BOD1L1: variants seen among roughly 807,000 people sequenced by gnomAD.
BOD1L1 encodes biorientation of chromosomes in cell division 1 like 1, also known as biorientation of chromosomes in cell division protein 1-like 1.
BOD1L1 carries 86 observed loss-of-function variants against 240.7 expected under a neutral mutation model. That is an observed-to-expected ratio of 0.36 (90% CI 0.30 to 0.43). BOD1L1 has a LOEUF of 0.43. Ranked by LOEUF, BOD1L1 falls within the 20% of genes least tolerant of loss-of-function variation. The pLI is 1.00. For missense variants in BOD1L1, 3,554 were observed against 3,643.5 expected (o/e 0.98, Z 0.63); for synonymous variants, 1,268 against 1,272.3 (o/e 1.00, Z 0.07).
chr4:13,621,607 T>G (rs1717043429), intron 1 of BOD1L1, among the ~76,000 whole-genome samples: 1 of 152,220 alleles, frequency 6.6e-6, no homozygotes, highest in African/African-American at 2.4e-5. Flanking sequence ...TCCATTGATG[T>G]GTAAGCCTCC....
At chr4:13,615,245 A>C in intron 3 of BOD1L1, 67 bp downstream of exon 3, 1 of 1,419,832 alleles carries the variant, frequency 7.0e-7, no homozygotes, top group Non-Finnish European at 9.5e-7. Context: ...AGAGCCAAGT[A>C]TCCCTAACTT....
At chr4:13,617,101 T>A (rs1348149846) in intron 2 of BOD1L1, among the ~76,000 whole-genome samples, 2 of 151,796 alleles carry the variant, frequency 1.3e-5, no homozygotes, top group East Asian at 3.9e-4. Context: ...AAAAATTAGC[T>A]GGGTGTGGTG....
chr4:13,597,071 T>TA, intron 11 of BOD1L1, 33 bp downstream of exon 11: 2 of 1,529,938 alleles, frequency 1.3e-6, no homozygotes, highest in South Asian at 2.4e-5. Flanking sequence ...TTTAATCACT[T>TA]ACAGTTCAGC....
rs1192622823 is a variant in BOD1L1 at position 13,581,238 on chromosome 4, A to T, written c.8593-31T>A. ...GGGGAAATAAAAAACAACAACAGCA[A>T]TAAGAAAAAAAATTTTATCCTTTAT... On this transcript the variant is annotated intron_variant, in intron 19 of 25. Transcript: ENST00000040738. 7 of 1,438,142 alleles carry T rather than the reference A, an allele frequency of 4.9e-6. No individual in the cohort carries two copies. In the South Asian group the frequency reaches 9.4e-5, roughly 19 times the overall value. 89.1% of individuals were successfully genotyped at this position (1,438,142 alleles called of 1,614,324 possible).
intron 17 of BOD1L1, 110 bp from the exon 18 acceptor site, chr4:13,582,846 T>C (rs1376682640): frequency 1.0e-5 from 7 of 684,568 alleles, no homozygotes; most frequent in Non-Finnish European, 1.7e-5. Flanking sequence ...CCTAGCTCTT[T>C]TTAAGGATAG....
intron 1 of BOD1L1, 72 bp from the exon 2 acceptor site, chr4:13,620,139 T>C: frequency 1.4e-6 from 2 of 1,431,874 alleles, no homozygotes; most frequent in South Asian, 2.9e-5. Context: ...GAAAAGTATT[T>C]TTACCATGGG....
At chr4:13,619,844 C>A (rs1242084475) in intron 2 of BOD1L1, 99 bp downstream of exon 2, 1 of 1,402,016 alleles carries the variant, frequency 7.1e-7, no homozygotes, top group Non-Finnish European at 9.6e-7. Context: ...AAATTGTCAA[C>A]ATCATTAGGT....
chr4:13,581,312 C>T (rs28564781), intron 19 of BOD1L1, 105 bp from the exon 20 acceptor site: 2 of 747,058 alleles, frequency 2.7e-6, no homozygotes, highest in Non-Finnish European at 4.2e-6. Context: ...GTCTAAGAGA[C>T]CTCAAATCCT....
At chr4:13,590,689 A>G (rs968049085) in intron 13 of BOD1L1, among the ~76,000 whole-genome samples, 1 of 152,246 alleles carries the variant, frequency 6.6e-6, no homozygotes, top group Non-Finnish European at 1.5e-5. Context: ...AGCCAATGGC[A>G]AAAGAGTAAG....
At chr4:13,597,800 A>C (rs1282294599) in intron 10 of BOD1L1, among the ~76,000 whole-genome samples, 1 of 152,190 alleles carries the variant, frequency 6.6e-6, no homozygotes, top group Non-Finnish European at 1.5e-5. Context: ...CATTCAATTT[A>C]CTCCAGGCTA....
chr4:13,577,523 A>T lies in BOD1L1; in HGVS notation c.8800-36T>A, dbSNP rs184758194. 2.7e-4 allele frequency: 436 copies of T among 1,605,666 alleles called. 2 individuals are homozygous for T. The African/African-American group carries it at 4.5e-3, about 17-fold the overall frequency. Reference sequence around the variant, plus strand: ...TAAAATTAAAGTCAAAAGGGTGGTCAGCTGAGCATTTAAGTTGATTTCTAA... The same window carrying T: ...TAAAATTAAAGTCAAAAGGGTGGTCTGCTGAGCATTTAAGTTGATTTCTAA... On this transcript the variant is annotated intron_variant, in intron 23 of 25. Coordinates refer to ENST00000040738, the MANE Select transcript of BOD1L1 (RefSeq NM_148894.3).
intron 2 of BOD1L1, among the ~76,000 whole-genome samples, chr4:13,619,221 T>A (rs1186188784): frequency 6.7e-6 from 1 of 148,664 alleles, no homozygotes; most frequent in Non-Finnish European, 1.5e-5. Flanking sequence ...CGTTGGGAGG[T>A]CTGCTTGAGC....
Position 13,603,510 on chromosome 4 carries a change from A to G in BOD1L1, c.3390T>C (p.Asn1130=), listed in dbSNP as rs1195026241. The part of the protein sequence containing the change: ...MEIDSEPGVE[N]VFEVSKTQDN... Reference sequence around the variant, plus strand: ...CTTGGGTTTTAGATACTTCAAACACATTTTCAACACCTGGCTCAGAATCAA... The same window carrying G: ...CTTGGGTTTTAGATACTTCAAACACGTTTTCAACACCTGGCTCAGAATCAA... Residue 1130 remains asparagine (N), a synonymous_variant, in exon 10 of 26, where the codon AAT becomes AAC. Transcript: ENST00000040738. 3.1e-6 allele frequency: 5 copies of G among 1,613,884 alleles called. No homozygotes were observed. Among genetic ancestry groups the G allele is most frequent in the Non-Finnish European group, 8.5e-7 (1 of 1,179,898 alleles).
rs776882662 is a variant in BOD1L1 at position 13,603,059 on chromosome 4, A to G, written c.3841T>C (p.Ser1281Pro). 1 of 1,614,006 alleles carries G rather than the reference A, an allele frequency of 6.2e-7. No individual in the cohort carries two copies. The highest frequency in any genetic ancestry group is 1.1e-5 in the South Asian group (1 of 91,074). The change falls in exon 10 of 26, where the codon TCA becomes CCA. Residue 1281 changes from serine to proline, a missense_variant. By Grantham distance (74) the Ser-to-Pro change is moderately conservative. Transcript: ENST00000040738. Reference protein sequence around the residue: ...TLEHSTNLDSSPSLSSVTVVP... With the variant: ...TLEHSTNLDSPPSLSSVTVVP... The stretch of plus-strand genomic sequence containing the variant: ...ACAGTCACTGAACTTAAGGATGGTG[A>G]GGAGTCTAAATTTGTGGAATGTTCA...
intron 1 of BOD1L1, among the ~76,000 whole-genome samples, chr4:13,626,945 G>T (rs771914247): frequency 1.3e-5 from 2 of 152,162 alleles, no homozygotes; most frequent in Non-Finnish European, 2.9e-5. Flanking sequence ...TTACCATTTA[G>T]TCATTTCTCC....
rs555601532 is a variant in BOD1L1, at chr4:13,599,150, T to C, written c.7750A>G (p.Met2584Val). 59 of 1,613,764 alleles carry C rather than the reference T, an allele frequency of 3.7e-5. No individual in the cohort carries two copies. Among genetic ancestry groups the C allele is most frequent in the African/African-American group, 2.0e-4 (15 of 75,040 alleles). The change falls in exon 10 of 26, where the codon ATG (methionine) becomes GTG (valine). Residue 2584 changes from methionine (M) to valine (V), a missense_variant. By Grantham distance (21) the Met-to-Val change is conservative (BLOSUM62 1). Coordinates refer to ENST00000040738, the MANE Select transcript of BOD1L1 (RefSeq NM_148894.3). ...QESKIAPSHTMIPPATYSVAL... is the reference protein window; with the variant it reads ...QESKIAPSHTVIPPATYSVAL... ...ACACTGTAAGTAGCTGGAGGGATCA[T>C]TGTGTGGGAAGGAGCAATTTTTGAT...
rs1442536469 is a variant in BOD1L1, at chr4:13,613,539, T to C, written c.1297A>G (p.Met433Val). Residue 433 changes from methionine to valine, a missense_variant, in exon 5 of 26, where the codon ATG (methionine) becomes GTG (valine). Around this residue, in one of 2 missense-constraint regions of BOD1L1, gnomAD observed 3,393 missense variants for 3,427.1 expected, o/e 0.99. Transcript: ENST00000040738. This position sits in a 1 kb window ranked among gnomAD's most constrained non-coding sequence, Gnocchi z 4.0. Reference sequence around the variant, plus strand: ...TCTGACGTAATCTCTCCTTCTTCCATGCTATCAGACGTTACAACTTCCTCC... The same window carrying C: ...TCTGACGTAATCTCTCCTTCTTCCACGCTATCAGACGTTACAACTTCCTCC... ...TEEEVVTSDS[M>V]EEGEITSDDE... The C allele has an allele frequency of 3.1e-6, 5 of 1,612,536 alleles. No individual in the cohort carries two copies. The highest frequency in any genetic ancestry group is 3.4e-6 in the Non-Finnish European group (4 of 1,178,922).
chr4:13,592,047 G>A (rs1251039157), intron 12 of BOD1L1, 81 bp from the exon 13 acceptor site: 46 of 1,094,258 alleles, frequency 4.2e-5, no homozygotes, highest in Non-Finnish European at 5.9e-5. Flanking sequence ...AGATTTTTAG[G>A]ATAGGGAACC....
In BOD1L1 at chr4:13,597,200, A is replaced by G. The variant is rs561418942; in HGVS notation, c.7955-32T>C. 2.5e-5 allele frequency: 38 copies of G among 1,550,924 alleles called. No homozygotes were observed. In the South Asian group the frequency reaches 4.5e-4, roughly 18 times the overall value. On this transcript the variant is annotated intron_variant, in intron 10 of 25. Transcript: ENST00000040738. ...AAATTCAAGCCATTTAGTACAGTTT[A>G]AGAATTTGCTTGCAAAATACATCTG...
Sources: allele counts gnomAD v4.1 joint callset (sites outside exome capture counted in the v4.1 genomes callset), GRCh38; gene constraint gnomAD v4.1.1; regional missense constraint gnomAD v4.1.1; non-coding constraint Gnocchi (gnomAD v3.1); transcripts MANE v1.5; gene names NCBI Gene and HGNC (gene_info 2026-07-23, HGNC 2026-07-21).